USP31: variants seen among roughly 807,000 people sequenced by gnomAD.
USP31 encodes the protein ubiquitin specific peptidase 31, also known as ubiquitin carboxyl-terminal hydrolase 31.
In USP31, 44 loss-of-function variants were observed where a neutral mutation model predicts 119.4. The observed-to-expected ratio is 0.37, with a 90% CI of 0.29 to 0.47. USP31 has a LOEUF of 0.47. USP31 is among the 20% of genes least tolerant of loss of function. The probability of loss-of-function intolerance (pLI) is 0.99; values close to 1 mark genes in which losing one functional copy is unlikely to be tolerated. For synonymous variants in USP31, 749 were observed against 705.6 expected (o/e 1.06, Z -0.97); for missense variants, 1,643 against 1,730.2 (o/e 0.95, Z 0.89).
intron 1 of USP31, among the ~76,000 whole-genome samples, chr16:23,127,481 G>T (rs1375951794): frequency 1.3e-5 from 2 of 151,178 alleles, no homozygotes; most frequent in Non-Finnish European, 3.0e-5. Context: ...ATTTTTTTTT[G>T]AGATGGAGTC....
At chr16:23,116,496 G>A (rs1389455982) in intron 1 of USP31, among the ~76,000 whole-genome samples, 1 of 152,120 alleles carries the variant, frequency 6.6e-6, no homozygotes, top group Non-Finnish European at 1.5e-5. Context: ...TACGACTCAT[G>A]AAAAAATGGT....
At chr16:23,137,070 G>C (rs892905886) in intron 1 of USP31, among the ~76,000 whole-genome samples, 1 of 152,114 alleles carries the variant, frequency 6.6e-6, no homozygotes, top group Admixed American at 6.5e-5. Context: ...AAATTAGCCA[G>C]GCATAGTGGC....
intron 1 of USP31, among the ~76,000 whole-genome samples, chr16:23,142,504 G>A (rs1903381604): frequency 6.6e-6 from 1 of 152,202 alleles, no homozygotes; most frequent in Non-Finnish European, 1.5e-5. Context: ...TTCATTGCTT[G>A]TACTGATAAG....
intron 8 of USP31, among the ~76,000 whole-genome samples, chr16:23,087,409 A>G (rs1472673455): frequency 6.6e-6 from 1 of 152,248 alleles, no homozygotes. Flanking sequence ...CAAGTAACAC[A>G]TTGCCTTTAC....
intron 1 of USP31, among the ~76,000 whole-genome samples, chr16:23,131,708 C>T (rs903671256): frequency 2.6e-5 from 4 of 152,078 alleles, no homozygotes; most frequent in Admixed American, 6.6e-5. Context: ...TTGCTTTTCT[C>T]TCTGGGCTTG....
In USP31 at chr16:23,068,139, C is replaced by A; in HGVS notation, c.3966G>T (p.Ser1322=). 6.2e-7 allele frequency: 1 copy of A among 1,614,138 alleles called. No homozygotes were observed. The highest frequency in any genetic ancestry group is 8.5e-7 in the Non-Finnish European group (1 of 1,180,032). ...CTGCAGACTGCCTGCCACCCGGAGA[C>A]GAGGGAACTCCAGAGTCTAGTTGGG... The part of the protein sequence containing the change: ...KSSQLDSGVP[S]SPGGRQSAEK... Residue 1322 remains serine (S), a synonymous_variant, in exon 16 of 16, where the codon TCG becomes TCT. Coordinates refer to ENST00000219689, the MANE Select transcript of USP31 (RefSeq NM_020718.4).
At chr16:23,115,162 G>C (rs1902449937) in intron 1 of USP31, among the ~76,000 whole-genome samples, 1 of 152,032 alleles carries the variant, frequency 6.6e-6, no homozygotes, top group Admixed American at 6.6e-5. Flanking sequence ...AAAGTGATCT[G>C]GTATACGTTT....
At chr16:23,092,305 A>C (rs2141854853) in intron 6 of USP31, among the ~76,000 whole-genome samples, 1 of 152,370 alleles carries the variant, frequency 6.6e-6, no homozygotes, top group South Asian at 2.1e-4. Flanking sequence ...AACCCTAAGC[A>C]ACTGGGGTGG....
intron 6 of USP31, among the ~76,000 whole-genome samples, chr16:23,096,528 A>G (rs1901621380): frequency 6.6e-6 from 1 of 152,240 alleles, no homozygotes; most frequent in Admixed American, 6.5e-5. Flanking sequence ...CCCCAAATCA[A>G]CAGAATATAC....
intron 1 of USP31, among the ~76,000 whole-genome samples, chr16:23,111,915 G>A (rs1167885204): frequency 6.6e-6 from 1 of 152,166 alleles, no homozygotes; most frequent in East Asian, 1.9e-4. Flanking sequence ...TAACAGAGGT[G>A]AAAAGAAGGA....
At chr16:23,145,046 T>A (rs932847894) in intron 1 of USP31, among the ~76,000 whole-genome samples, 3 of 152,102 alleles carry the variant, frequency 2.0e-5, no homozygotes, top group Non-Finnish European at 4.4e-5. Flanking sequence ...GCACCCCCAC[T>A]GCTCTCTATG....
chr16:23,085,895 T>C (rs1328895119), intron 9 of USP31, among the ~76,000 whole-genome samples: 1 of 152,158 alleles, frequency 6.6e-6, no homozygotes, highest in African/African-American at 2.4e-5. Flanking sequence ...AATACAGTAC[T>C]AATAATAAAG....
At chr16:23,129,322 A>G (rs573612138) in intron 1 of USP31, among the ~76,000 whole-genome samples, 2 of 152,322 alleles carry the variant, frequency 1.3e-5, no homozygotes, top group South Asian at 4.1e-4. Flanking sequence ...TGTAGGAAAT[A>G]TATATGCACA....
intron 1 of USP31, among the ~76,000 whole-genome samples, chr16:23,145,316 T>C (rs775642176): frequency 3.2e-4 from 48 of 152,146 alleles, no homozygotes; most frequent in Non-Finnish European, 6.2e-4. Context: ...TCAATTTCCT[T>C]TGTAGCAAGA....
At chr16:23,120,092 T>C (rs1298972635) in intron 1 of USP31, among the ~76,000 whole-genome samples, 1 of 152,160 alleles carries the variant, frequency 6.6e-6, no homozygotes, top group Non-Finnish European at 1.5e-5. Context: ...TTTGGACTCT[T>C]TCTCATTTTT....
chr16:23,094,651 G>GAA (rs1400981207), intron 6 of USP31, among the ~76,000 whole-genome samples: 1 of 152,146 alleles, frequency 6.6e-6, no homozygotes, highest in Non-Finnish European at 1.5e-5. Context: ...AGCTTCCAGA[G>GAA]AAAGGATCAG....
At chr16:23,075,277 G>C (rs959100064) in intron 13 of USP31, among the ~76,000 whole-genome samples, 3 of 152,182 alleles carry the variant, frequency 2.0e-5, no homozygotes, top group African/African-American at 7.2e-5. Context: ...CCCAGCTGGG[G>C]AGTAGCTGCT....
intron 1 of USP31, among the ~76,000 whole-genome samples, chr16:23,145,815 C>T (rs1903487804): frequency 6.6e-6 from 1 of 152,204 alleles, no homozygotes; most frequent in Admixed American, 6.5e-5. Context: ...TTGCTTAAGG[C>T]ACTATCATTA....
intron 14 of USP31, among the ~76,000 whole-genome samples, 180 bp downstream of exon 14, chr16:23,073,542 G>A (rs776467540): frequency 6.6e-6 from 1 of 152,164 alleles, no homozygotes; most frequent in Non-Finnish European, 1.5e-5. Flanking sequence ...CACAGGTGCT[G>A]TCACATTCCT....
Sources: allele counts gnomAD v4.1 joint callset (sites outside exome capture counted in the v4.1 genomes callset), GRCh38; gene constraint gnomAD v4.1.1; transcripts MANE v1.5; gene names NCBI Gene and HGNC (gene_info 2026-07-23, HGNC 2026-07-21).